RALYL: variants seen among roughly 807,000 people sequenced by gnomAD.
The protein encoded by RALYL is RALY RNA binding protein like.
A neutral mutation model predicts 35.1 loss-of-function variants in RALYL; 29 were observed. The ratio of observed to expected loss-of-function variants is 0.83; its 90% CI spans 0.61 to 1.13. The LOEUF is 1.13. Ranked by LOEUF, RALYL falls within the 50% of genes most tolerant of loss-of-function variation. The pLI is 0.00. For missense variants in RALYL, 359 were observed against 360.4 expected (o/e 1.00, Z 0.03); for synonymous variants, 120 against 127.6 (o/e 0.94, Z 0.40).
intron 4 of RALYL, among the ~76,000 whole-genome samples, chr8:84,823,916 A>G (rs1354017170): frequency 1.3e-5 from 2 of 152,128 alleles, no homozygotes; most frequent in East Asian, 3.9e-4. Context: ...CATATTGAAC[A>G]GACAAAAACT....
intron 2 of RALYL, among the ~76,000 whole-genome samples, chr8:84,589,658 A>G (rs1472592665): frequency 6.6e-6 from 1 of 152,148 alleles, no homozygotes; most frequent in Admixed American, 6.5e-5. Context: ...CTAAAGTCCA[A>G]TTATTATATT....
At chr8:84,411,556 C>A (rs749614929) in intron 1 of RALYL, among the ~76,000 whole-genome samples, 29 of 151,766 alleles carry the variant, frequency 1.9e-4, no homozygotes, top group Non-Finnish European at 4.1e-4. Context: ...CAGTTTTCAA[C>A]CAAACATCTG....
intron 2 of RALYL, among the ~76,000 whole-genome samples, chr8:84,616,523 T>G (rs1819703863): frequency 6.7e-6 from 1 of 149,130 alleles, no homozygotes; most frequent in South Asian, 2.1e-4. Context: ...TTGCAAAAAT[T>G]TTCTCCCATT....
chr8:84,585,795 T>C (rs900053241), intron 2 of RALYL, among the ~76,000 whole-genome samples: 2 of 152,256 alleles, frequency 1.3e-5, no homozygotes, highest in Non-Finnish European at 2.9e-5. Flanking sequence ...TCTCCTCAAG[T>C]TGCCCAACAT....
intron 1 of RALYL, among the ~76,000 whole-genome samples, chr8:84,236,122 A>G (rs1338389436): frequency 6.6e-6 from 1 of 152,014 alleles, no homozygotes; most frequent in Non-Finnish European, 1.5e-5. Flanking sequence ...AGATAGTTTA[A>G]TTATATGACA....
chr8:84,256,228 C>T (rs1831185938), intron 1 of RALYL, among the ~76,000 whole-genome samples: 1 of 152,072 alleles, frequency 6.6e-6, no homozygotes, highest in Non-Finnish European at 1.5e-5. Context: ...TCAAATATTC[C>T]TGGCAAGAGT....
chr8:84,214,428 A>G (rs1032647564), intron 1 of RALYL, among the ~76,000 whole-genome samples: 1 of 152,182 alleles, frequency 6.6e-6, no homozygotes, highest in East Asian at 1.9e-4. Flanking sequence ...AGTAGAGAAT[A>G]TATAATATTT....
At chr8:84,292,494 TG>T (rs1838952212) in intron 1 of RALYL, among the ~76,000 whole-genome samples, 1 of 152,122 alleles carries the variant, frequency 6.6e-6, no homozygotes, top group Non-Finnish European at 1.5e-5. Context: ...TGAAACCTAC[TG>T]GGCTGCATTC....
At chr8:84,740,204 G>T (rs997396366) in intron 2 of RALYL, among the ~76,000 whole-genome samples, 9 of 151,920 alleles carry the variant, frequency 5.9e-5, no homozygotes, top group African/African-American at 2.2e-4. Context: ...ACGTCCAAGA[G>T]CTCAAAAACA....
intron 1 of RALYL, among the ~76,000 whole-genome samples, chr8:84,414,694 G>C (rs2044453627): frequency 6.6e-6 from 1 of 152,146 alleles, no homozygotes; most frequent in Non-Finnish European, 1.5e-5. Context: ...CTAATATCGG[G>C]AAATGAATTG....
At chr8:84,594,820 A>C (rs1814103155) in intron 2 of RALYL, among the ~76,000 whole-genome samples, 1 of 152,124 alleles carries the variant, frequency 6.6e-6, no homozygotes, top group Non-Finnish European at 1.5e-5. Context: ...TTTTAACCAG[A>C]GAAGTCTATC....
intron 1 of RALYL, among the ~76,000 whole-genome samples, chr8:84,261,688 A>G (rs1832338837): frequency 6.6e-6 from 1 of 152,138 alleles, no homozygotes; most frequent in East Asian, 1.9e-4. Context: ...ATGGCTTTCA[A>G]TATGAATCCA....
At chr8:84,568,399 A>G (rs1451603552) in intron 2 of RALYL, among the ~76,000 whole-genome samples, 1 of 151,724 alleles carries the variant, frequency 6.6e-6, no homozygotes, top group African/African-American at 2.4e-5. Context: ...TTATGGCTGC[A>G]TAGTATTCCA....
At chr8:84,918,020 T>C (rs1223710434) in intron 8 of RALYL, among the ~76,000 whole-genome samples, 1 of 152,034 alleles carries the variant, frequency 6.6e-6, no homozygotes, top group Non-Finnish European at 1.5e-5. Context: ...TGGCAACAAG[T>C]ATAATTGCTG....
At chr8:84,913,032 A>ATGGGTAGGTAGG (rs567355226) in intron 8 of RALYL, among the ~76,000 whole-genome samples, 1 of 109,048 alleles carries the variant, frequency 9.2e-6, no homozygotes, top group Non-Finnish European at 1.9e-5. Context: ...GGATGGATGG[A>ATGGGTAGGTAGG]TAGGTAGGTA....
At chr8:84,704,222 C>T (rs554561491) in intron 2 of RALYL, among the ~76,000 whole-genome samples, 10 of 152,196 alleles carry the variant, frequency 6.6e-5, no homozygotes, top group East Asian at 1.9e-4. Flanking sequence ...GTCAGGAGTT[C>T]GAGATCAGCC....
At chr8:84,516,936 A>G (rs1256724721) in intron 1 of RALYL, among the ~76,000 whole-genome samples, 3 of 152,240 alleles carry the variant, frequency 2.0e-5, no homozygotes, top group Non-Finnish European at 4.4e-5. Flanking sequence ...TTAATAAGAC[A>G]TACATTGAAT....
At chr8:84,516,628 T>C (rs2058087551) in intron 1 of RALYL, among the ~76,000 whole-genome samples, 1 of 152,230 alleles carries the variant, frequency 6.6e-6, no homozygotes, top group African/African-American at 2.4e-5. Context: ...AAAGGATAAA[T>C]GAACTTAAAT....
intron 1 of RALYL, among the ~76,000 whole-genome samples, chr8:84,202,157 A>G (rs1463889840): frequency 2.0e-5 from 3 of 150,698 alleles, no homozygotes; most frequent in Non-Finnish European, 3.0e-5. Context: ...GCAGTTTTGT[A>G]TGCACTTTTA....
Sources: allele counts gnomAD v4.1 joint callset (sites outside exome capture counted in the v4.1 genomes callset), GRCh38; gene constraint gnomAD v4.1.1; transcripts MANE v1.5; gene names NCBI Gene and HGNC (gene_info 2026-07-23, HGNC 2026-07-21).